Variants in DLX1 observed in about 807,000 individuals in gnomAD.
DLX1 encodes homeobox protein DLX-1.
In DLX1, 7 loss-of-function variants were observed where a neutral mutation model predicts 25.0. The ratio of observed to expected loss-of-function variants is 0.28; its 90% CI spans 0.16 to 0.52. The LOEUF (loss-of-function observed/expected upper bound fraction) is 0.52. Among genes scored for constraint, DLX1 ranks in the 20% least tolerant of loss-of-function variants. The probability of loss-of-function intolerance (pLI) is 0.96; values close to 1 mark genes in which losing one functional copy is unlikely to be tolerated. For missense variants in DLX1, 233 were observed against 334.4 expected, an observed-to-expected ratio of 0.70 and a Z score of 2.37; for synonymous variants, 155 against 140.3, an observed-to-expected ratio of 1.10 and a Z score of -0.74.
Position 172,089,399 on chromosome 2 carries a change from ATTG to A in DLX1, c.*1148_*1150del, listed in dbSNP as rs1355636489. ...TATTGTTATTATTATTATTGTTATTATTGTTGTTCTGTAAACATGTTGCACAAG... is the reference window on the plus strand; with the variant it reads ...TATTGTTATTATTATTATTGTTATTATTGTTCTGTAAACATGTTGCACAAG... On this transcript the variant is annotated 3_prime_UTR_variant, in exon 3 of 3. Transcript: ENST00000361725. 1 of 152,552 alleles carries A rather than the reference ATTG, an allele frequency of 6.6e-6. No homozygotes were observed. The highest frequency in any genetic ancestry group is 1.5e-5 in the Non-Finnish European group (1 of 68,004). 9.4% of individuals were successfully genotyped at this position (152,552 alleles called of 1,614,324 possible).
rs190611601 is a variant in DLX1 at position 172,088,924 on chromosome 2, C to G, written c.*667C>G. The G allele has an allele frequency of 3.2e-4, 48 of 152,312 alleles. No individual in the cohort carries two copies. Among genetic ancestry groups the G allele is most frequent in the African/African-American group, 1.0e-3 (43 of 41,570 alleles). The allele number at this position is 152,312 out of a possible 1,614,324, so 9.4% of individuals were successfully genotyped here. A position where few individuals can be genotyped will look rare whatever the true frequency, so the allele number is the denominator to read the frequency against. ...GGGCGCAAGGAACGCACTGTTCAAA[C>G]GCACTGTTTACTTTAAGCGCACGGG... On this transcript the variant is annotated 3_prime_UTR_variant, in exon 3 of 3. Transcript: ENST00000361725.
In DLX1 at chr2:172,089,382, T is replaced by G. The variant is rs1690930908; in HGVS notation, c.*1125T>G. On this transcript the variant is annotated 3_prime_UTR_variant, in exon 3 of 3. Coordinates refer to ENST00000361725, the MANE Select transcript of DLX1 (RefSeq NM_178120.5). Reference sequence around the variant, plus strand: ...CTAATGACTGTACATATTATTGTTATTATTATTATTGTTATTATTGTTGTT... The same window carrying G: ...CTAATGACTGTACATATTATTGTTAGTATTATTATTGTTATTATTGTTGTT... 6.6e-6 allele frequency: 1 copy of G among 150,912 alleles called. No individual in the cohort carries two copies. The highest frequency in any genetic ancestry group is 1.5e-5 in the Non-Finnish European group (1 of 68,018). The allele number at this position is 150,912 out of a possible 1,614,324, so 9.3% of individuals were successfully genotyped here.
intron 2 of DLX1, chr2:172,087,541 A>AGT (rs1387332258): frequency 8.7e-6 from 4 of 460,934 alleles, no homozygotes; most frequent in South Asian, 6.2e-5. Context: ...GTCCCAACTC[A>AGT]AGGGCAGAAA....
Position 172,088,266 on chromosome 2 carries a change from G to A in DLX1, c.*9G>A. On this transcript the variant is annotated 3_prime_UTR_variant, in exon 3 of 3. Transcript: ENST00000361725. ...AACCCCAACTTATGTGAGGTTGCCC[G>A]CCCGTCTCCTTCTTGTCTCCCCGGC... is the stretch of plus-strand genomic sequence containing the variant. The A allele has an allele frequency of 6.9e-7, 1 of 1,450,746 alleles. No homozygotes were observed. The highest frequency in any genetic ancestry group is 9.2e-7 in the Non-Finnish European group (1 of 1,092,392). The allele number at this position is 1,450,746 out of a possible 1,614,324, so 89.9% of individuals were successfully genotyped here.
intron 1 of DLX1, 160 bp downstream of exon 1, chr2:172,086,150 T>C: frequency 3.1e-6 from 2 of 653,912 alleles, no homozygotes; most frequent in Non-Finnish European, 2.6e-6. Flanking sequence ...AGGTTTCGAA[T>C]ATCAATCTAT....
Position 172,085,874 on chromosome 2 carries a change from C to G in DLX1, c.197C>G (p.Pro66Arg), listed in dbSNP as rs775644107. 3.1e-6 allele frequency: 5 copies of G among 1,614,220 alleles called. No homozygotes were observed. The highest frequency in any genetic ancestry group is 4.2e-6 in the Non-Finnish European group (5 of 1,180,040). Residue 66 changes from proline to arginine, a missense_variant, in exon 1 of 3, where the codon CCG becomes CGG. Coordinates refer to ENST00000361725, the MANE Select transcript of DLX1 (RefSeq NM_178120.5). The surrounding 1 kb of genome is among the most constrained non-coding windows in gnomAD (Gnocchi z 4.3). Reference protein sequence around the residue: ...AYSSASSFSRPLGYPYVNSVS... With the variant: ...AYSSASSFSRRLGYPYVNSVS... ...AGCTCAGCCTCGTCCTTCTCCCGAC[C>G]GCTGGGCTACCCCTACGTCAACTCG...
rs965328448 is a variant in DLX1 at position 172,087,926 on chromosome 2, G to C, written c.514-77G>C. ...GGAGGTCCTATCTCTGCTGTTCTGC[G>C]GTCCCTTTTTTCCTCCCTGTGACCT... On this transcript the variant is annotated intron_variant, in intron 2 of 2. Transcript: ENST00000361725. The C allele has an allele frequency of 1.7e-5, 25 of 1,500,774 alleles. No homozygotes were observed. The South Asian group carries it at 2.8e-4, about 17-fold the overall frequency. 93.0% of individuals were successfully genotyped at this position (1,500,774 alleles called of 1,614,324 possible).
In DLX1 at chr2:172,086,004, C is replaced by T. The variant is rs1261786498; in HGVS notation, c.313+14C>T. 2.5e-6 allele frequency: 4 copies of T among 1,601,860 alleles called. No homozygotes were observed. Among genetic ancestry groups the T allele is most frequent in the Non-Finnish European group, 3.4e-6 (4 of 1,172,922 alleles). On this transcript the variant is annotated intron_variant, in intron 1 of 2. Coordinates refer to ENST00000361725, the MANE Select transcript of DLX1 (RefSeq NM_178120.5). ...TGGAGGACCCAGGTACGTGCGCTTG[C>T]CAGGGAGAGGGAGAGGAGGAGGTAC...
chr2:172,086,016 AGAG>A (rs1179770899), intron 1 of DLX1, 26 bp downstream of exon 1: 2 of 1,436,716 alleles, frequency 1.4e-6, no homozygotes, highest in East Asian at 3.2e-5. Flanking sequence ...AGGGAGAGGG[AGAG>A]GAGGAGGTAC....
At chr2:172,087,168 C>G in intron 2 of DLX1, 1 of 598,180 alleles carries the variant, frequency 1.7e-6, no homozygotes, top group Non-Finnish European at 3.2e-6. Flanking sequence ...ACAACTGGAA[C>G]AATAGACTCC....
At chr2:172,087,291 TC>T in intron 2 of DLX1, 1 of 374,444 alleles carries the variant, frequency 2.7e-6, no homozygotes. Context: ...TGGGGGGAGA[TC>T]CTTTCCTCCG....
At position 172,089,125 on chromosome 2, in the gene DLX1, C is replaced by T. The variant is rs967232386; in HGVS notation, c.*868C>T. On this transcript the variant is annotated 3_prime_UTR_variant, in exon 3 of 3. Coordinates refer to ENST00000361725, the MANE Select transcript of DLX1 (RefSeq NM_178120.5). Reference sequence around the variant, plus strand: ...TGAAGCCAACATGATTTTCTCATTTCGGGAGGAACTCTGTTGCTTCGCCTG... The same window carrying T: ...TGAAGCCAACATGATTTTCTCATTTTGGGAGGAACTCTGTTGCTTCGCCTG... 2 of 152,054 alleles carry T rather than the reference C, an allele frequency of 1.3e-5. No homozygotes were observed. The highest frequency in any genetic ancestry group is 4.8e-5 in the African/African-American group (2 of 41,372). The allele number at this position is 152,054 out of a possible 1,614,324, so 9.4% of individuals were successfully genotyped here.
chr2:172,088,641 T>C lies in DLX1; in HGVS notation c.*384T>C, dbSNP rs535716353. On this transcript the variant is annotated 3_prime_UTR_variant, in exon 3 of 3. Coordinates refer to ENST00000361725, the MANE Select transcript of DLX1 (RefSeq NM_178120.5). ...GCTCTTTTCTGTCCTGTCAGTCTCC[T>C]GTCTCCTTTTGCTCTGTCTGTGCGC... 3 of 167,314 alleles carry C rather than the reference T, an allele frequency of 1.8e-5. No homozygotes were observed. Among genetic ancestry groups the C allele is most frequent in the African/African-American group, 7.1e-5 (3 of 42,242 alleles). The allele number at this position is 167,314 out of a possible 1,614,324, so 10.4% of individuals were successfully genotyped here. A position where few individuals can be genotyped will look rare whatever the true frequency, so the allele number is the denominator to read the frequency against.
At position 172,088,348 on chromosome 2, in the gene DLX1, G is replaced by A; in HGVS notation, c.*91G>A. The A allele has an allele frequency of 2.2e-6, 3 of 1,388,384 alleles. No individual in the cohort carries two copies. The highest frequency in any genetic ancestry group is 2.8e-6 in the Non-Finnish European group (3 of 1,062,438). The allele number at this position is 1,388,384 out of a possible 1,614,324, so 86.0% of individuals were successfully genotyped here. A position where few individuals can be genotyped will look rare whatever the true frequency, so the allele number is the denominator to read the frequency against. On this transcript the variant is annotated 3_prime_UTR_variant, in exon 3 of 3. Coordinates refer to ENST00000361725, the MANE Select transcript of DLX1 (RefSeq NM_178120.5). ...CCCGTCCGGAAAAGAAGGACCCAGAGGGAAGAAGGAACAGTGGAGGCGGGA... is the reference window on the plus strand; with the variant it reads ...CCCGTCCGGAAAAGAAGGACCCAGAAGGAAGAAGGAACAGTGGAGGCGGGA...
In DLX1 at chr2:172,087,132, G is replaced by A. The variant is rs1221286152; in HGVS notation, c.513+279G>A. ...AGGATTTCCCCAGACGATTTGTTTG[G>A]GAACTCAGAGGTCACACGTGCCTAA... On this transcript the variant is annotated intron_variant, in intron 2 of 2. Coordinates refer to ENST00000361725, the MANE Select transcript of DLX1 (RefSeq NM_178120.5). The A allele has an allele frequency of 6.0e-6, 4 of 665,632 alleles. No individual in the cohort carries two copies. The East Asian group carries it at 1.2e-4, about 20-fold the overall frequency. 41.2% of individuals were successfully genotyped at this position (665,632 alleles called of 1,614,324 possible). A position where few individuals can be genotyped will look rare whatever the true frequency, so the allele number is the denominator to read the frequency against.
rs770782520 is a variant in DLX1 at position 172,086,676 on chromosome 2, G to C, written c.336G>C (p.Thr112=). Residue 112 remains threonine (T), a synonymous_variant, in exon 2 of 3, where the codon ACG becomes ACC. Coordinates refer to ENST00000361725, the MANE Select transcript of DLX1 (RefSeq NM_178120.5). ...CAGGGGCGGACTCGGAGAAGAGCAC[G>C]GTGGTGGAAGGCGGTGAAGTGCGCT... ...EDPGADSEKS[T]VVEGGEVRFN... is the part of the protein sequence containing the mutation. The C allele has an allele frequency of 1.3e-5, 20 of 1,546,110 alleles. No homozygotes were observed. The East Asian group carries it at 4.5e-4, about 35-fold the overall frequency.
At position 172,089,087 on chromosome 2, in the gene DLX1, A is replaced by G. The variant is rs973025692; in HGVS notation, c.*830A>G. 1 of 152,334 alleles carries G rather than the reference A, an allele frequency of 6.6e-6. No homozygotes were observed. Among genetic ancestry groups the G allele is most frequent in the Non-Finnish European group, 1.5e-5 (1 of 68,032 alleles). The allele number at this position is 152,334 out of a possible 1,614,324, so 9.4% of individuals were successfully genotyped here. A position where few individuals can be genotyped will look rare whatever the true frequency, so the allele number is the denominator to read the frequency against. On this transcript the variant is annotated 3_prime_UTR_variant, in exon 3 of 3. Transcript: ENST00000361725. ...TATTTAATAAATAATTTTTAAAAGA[A>G]AAGAACGATAAATGAAGCCAACATG...
Position 172,085,855 on chromosome 2 carries a change from G to A in DLX1, c.178G>A (p.Ala60Thr). ...HSQPDGAYSS[A>T]SSFSRPLGYP... is the part of the protein sequence containing the mutation. ...GCAGCCCGACGGCGCCTACAGCTCA[G>A]CCTCGTCCTTCTCCCGACCGCTGGG... Residue 60 changes from alanine to threonine, a missense_variant, in exon 1 of 3, where the codon GCC becomes ACC. Around this residue, in one of 3 missense-constraint regions of DLX1, gnomAD observed 126 missense variants for 170.4 expected, o/e 0.74. Coordinates refer to ENST00000361725, the MANE Select transcript of DLX1 (RefSeq NM_178120.5). The surrounding 1 kb of genome is among the most constrained non-coding windows in gnomAD (Gnocchi z 4.3). 6.2e-7 allele frequency: 1 copy of A among 1,614,214 alleles called. No individual in the cohort carries two copies.
chr2:172,088,534 G>A lies in DLX1; in HGVS notation c.*277G>A, dbSNP rs896219906. On this transcript the variant is annotated 3_prime_UTR_variant, in exon 3 of 3. Transcript: ENST00000361725. ...ACAGCCCAAGCAGCAAGATAAACCC[G>A]CTCCACCCGACCCGCCGACCTTCAG... 8 of 378,820 alleles carry A rather than the reference G, an allele frequency of 2.1e-5. No individual in the cohort carries two copies. The highest frequency in any genetic ancestry group is 9.1e-5 in the Admixed American group (2 of 21,878). 23.5% of individuals were successfully genotyped at this position (378,820 alleles called of 1,614,324 possible).
Sources: allele counts gnomAD v4.1 joint callset, GRCh38; gene constraint gnomAD v4.1.1; regional missense constraint gnomAD v4.1.1; non-coding constraint Gnocchi (gnomAD v3.1); transcripts MANE v1.5; gene names NCBI Gene and HGNC (gene_info 2026-07-23, HGNC 2026-07-21).